Variants in MRPS9 observed in about 807,000 individuals in gnomAD.
MRPS9 encodes mitochondrial ribosomal protein S9.
Under a neutral mutation model 59.9 loss-of-function variants are expected in MRPS9, and 45 were observed. The observed-to-expected ratio is 0.75, with a 90% CI of 0.59 to 0.96. The LOEUF is 0.96. Ranked by LOEUF, MRPS9 falls within the 40% of genes least tolerant of loss-of-function variation. The pLI is 0.00. For missense variants in MRPS9, 473 were observed against 481.1 expected (o/e 0.98, Z 0.16); for synonymous variants, 171 against 166.8 (o/e 1.03, Z -0.19).
intron 2 of MRPS9, among the ~76,000 whole-genome samples, chr2:105,051,786 TCTTAA>T (rs1175321878): frequency 6.9e-6 from 1 of 144,772 alleles, no homozygotes; most frequent in Non-Finnish European, 1.6e-5. Context: ...AGTATTAATG[TCTTAA>T]CTTCTATTGT....
At chr2:105,040,694 C>T (rs1418186202) in intron 1 of MRPS9, among the ~76,000 whole-genome samples, 1 of 152,132 alleles carries the variant, frequency 6.6e-6, no homozygotes, top group Non-Finnish European at 1.5e-5. Context: ...AAATTTGGGG[C>T]AGAAGAGGCA....
intron 4 of MRPS9, among the ~76,000 whole-genome samples, chr2:105,074,913 C>G (rs1398174169): frequency 6.6e-6 from 1 of 152,112 alleles, no homozygotes; most frequent in Non-Finnish European, 1.5e-5. Flanking sequence ...GATTCAAGCT[C>G]ATTACATTTA....
At chr2:105,044,984 A>G (rs1218309539) in intron 1 of MRPS9, among the ~76,000 whole-genome samples, 1 of 152,204 alleles carries the variant, frequency 6.6e-6, no homozygotes, top group Non-Finnish European at 1.5e-5. Flanking sequence ...AGGATAGACC[A>G]ATGATATAAA....
chr2:105,058,715 G>T (rs543987939), intron 2 of MRPS9, among the ~76,000 whole-genome samples: 3 of 115,508 alleles, frequency 2.6e-5, no homozygotes, highest in Admixed American at 1.9e-4. Context: ...TCTCTCTGTT[G>T]CCCAGGCAAC....
chr2:105,066,539 A>G lies in MRPS9; in HGVS notation c.316-4774A>G, dbSNP rs1573430739. Reference sequence around the variant, plus strand: ...CATGACAGATCCAACTGTAGGTTGGAATTCTTCAATTTTCATTTCCGTCTA... The same window carrying G: ...CATGACAGATCCAACTGTAGGTTGGGATTCTTCAATTTTCATTTCCGTCTA... On this transcript the variant is annotated intron_variant, in intron 2 of 10. Transcript: ENST00000258455. Among the ~76,000 whole-genome samples, 3 of 152,324 alleles carry G rather than the reference A, an allele frequency of 2.0e-5. No homozygotes were observed. The South Asian group carries it at 6.2e-4, about 32-fold the overall frequency.
intron 2 of MRPS9, among the ~76,000 whole-genome samples, chr2:105,062,395 C>T (rs1404291435): frequency 2.0e-5 from 3 of 152,176 alleles, no homozygotes; most frequent in African/African-American, 7.2e-5. Flanking sequence ...CTGAGTTACC[C>T]GTCCAAGCCC....
chr2:105,068,587 C>G (rs1330172728), intron 2 of MRPS9, among the ~76,000 whole-genome samples: 2 of 152,186 alleles, frequency 1.3e-5, no homozygotes, highest in Non-Finnish European at 2.9e-5. Flanking sequence ...GCCCTTATCC[C>G]TATGCCCCTC....
intron 4 of MRPS9, among the ~76,000 whole-genome samples, chr2:105,073,633 G>A (rs1474768955): frequency 1.3e-5 from 2 of 152,120 alleles, no homozygotes; most frequent in Admixed American, 1.3e-4. Flanking sequence ...ATCTTGCTCT[G>A]TATGTTTTAA....
rs995790012 is a variant in MRPS9 at position 105,061,011 on chromosome 2, G to A, written c.316-10302G>A. Among the ~76,000 whole-genome samples the A allele has an allele frequency of 3.4e-5, 5 of 145,112 alleles. No homozygotes were observed. The Admixed American group carries it at 3.6e-4, about 10-fold the overall frequency. ...CTGTAGTCCCAGCTACTCAGGACTT[G>A]AGGCAGGAGAATGGCGTGAACCCGG... On this transcript the variant is annotated intron_variant, in intron 2 of 10. Transcript: ENST00000258455.
chr2:105,043,369 G>A lies in MRPS9; in HGVS notation c.135+5142G>A, dbSNP rs192778496. The stretch of plus-strand genomic sequence containing the variant: ...AGTAGTATCCCAGTTTCCCCAGGAG[G>A]AATTAGTTCTTTTTCGCTGGTTATA... On this transcript the variant is annotated intron_variant, in intron 1 of 10. Coordinates refer to ENST00000258455, the MANE Select transcript of MRPS9 (RefSeq NM_182640.3). 7.2e-4 allele frequency among the ~76,000 whole-genome samples: 110 copies of A among 152,264 alleles called. 1 individual carries two copies. Among genetic ancestry groups the A allele is most frequent in the African/African-American group, 2.1e-3 (86 of 41,556 alleles).
intron 1 of MRPS9, among the ~76,000 whole-genome samples, chr2:105,044,022 G>A (rs550117886): frequency 2.7e-5 from 4 of 150,256 alleles, no homozygotes; most frequent in Admixed American, 6.7e-5. Flanking sequence ...TGCAACCTCC[G>A]CCTTCTGGGT....
intron 2 of MRPS9, among the ~76,000 whole-genome samples, chr2:105,060,767 A>G (rs1679885741): frequency 6.6e-6 from 1 of 152,162 alleles, no homozygotes; most frequent in South Asian, 2.1e-4. Context: ...TGAGAGAAAT[A>G]GATAGAGGAA....
At chr2:105,082,691 G>C (rs189156423) in intron 5 of MRPS9, among the ~76,000 whole-genome samples, 1 of 152,094 alleles carries the variant, frequency 6.6e-6, no homozygotes. Flanking sequence ...GAAATGAAGC[G>C]TGATAGGAAA....
chr2:105,090,078 T>C, intron 7 of MRPS9, 83 bp downstream of exon 7: 1 of 675,860 alleles, frequency 1.5e-6, no homozygotes, highest in Non-Finnish European at 2.4e-6. Flanking sequence ...CTAATAGTAA[T>C]GTTCCTCAGA....
intron 9 of MRPS9, among the ~76,000 whole-genome samples, chr2:105,095,052 C>G (rs1006237049): frequency 6.6e-6 from 1 of 152,056 alleles, no homozygotes; most frequent in Non-Finnish European, 1.5e-5. Flanking sequence ...GGTTGGGAAG[C>G]CTAAGCCTAG....
chr2:105,093,464 A>T, intron 8 of MRPS9, 66 bp from the exon 9 acceptor site: 1 of 873,190 alleles, frequency 1.1e-6, no homozygotes, highest in Non-Finnish European at 1.8e-6. Flanking sequence ...ATTTTAATGT[A>T]GTTTTACCTG....
chr2:105,071,819 T>C (rs1467373036), intron 4 of MRPS9, among the ~76,000 whole-genome samples: 3 of 152,188 alleles, frequency 2.0e-5, no homozygotes, highest in Non-Finnish European at 2.9e-5. Flanking sequence ...TTTAAAACTT[T>C]TCTTGATTTT....
At chr2:105,072,328 T>TA (rs111770326) in intron 4 of MRPS9, among the ~76,000 whole-genome samples, 30,175 of 152,028 alleles carry the variant, frequency 0.2, 3,116 homozygotes, top group Middle Eastern at 0.35. Flanking sequence ...GCAGTGAACT[T>TA]ACACTTCCTA....
intron 4 of MRPS9, among the ~76,000 whole-genome samples, chr2:105,077,415 C>G (rs186702618): frequency 6.6e-6 from 1 of 152,170 alleles, no homozygotes; most frequent in East Asian, 1.9e-4. Flanking sequence ...GAATAATATA[C>G]AGGCCGTAAA....
Sources: allele counts gnomAD v4.1 joint callset (sites outside exome capture counted in the v4.1 genomes callset), GRCh38; gene constraint gnomAD v4.1.1; transcripts MANE v1.5; gene names NCBI Gene and HGNC (gene_info 2026-07-23, HGNC 2026-07-21).